The following XPO1 variants were observed in gnomAD, a reference collection of about 807,000 sequenced individuals.
XPO1 encodes exportin 1.
Under a neutral mutation model 133.3 loss-of-function variants are expected in XPO1, and 5 were observed. The observed-to-expected ratio is 0.04, with a 90% CI of 0.02 to 0.08. XPO1 has a LOEUF of 0.08. Ranked by LOEUF, XPO1 falls within the 10% of genes least tolerant of loss-of-function variation. The pLI is 1.00. For missense variants in XPO1, 506 were observed against 1,267.5 expected (o/e 0.40, Z 9.12); for synonymous variants, 419 against 408.2 (o/e 1.03, Z -0.32).
At chr2:61,485,472 G>GCCCCC (rs1553402535) in intron 20 of XPO1, 7 of 103,070 alleles carry the variant, frequency 6.8e-5, no homozygotes, top group Admixed American at 2.4e-4. Flanking sequence ...AGGCTCAAGT[G>GCCCCC]ACCCCCCCCC....
chr2:61,501,232 T>A (rs866890014), intron 6 of XPO1, among the ~76,000 whole-genome samples: 1 of 152,076 alleles, frequency 6.6e-6, no homozygotes, highest in African/African-American at 2.4e-5. Context: ...TACTGTTTTT[T>A]CCCCCACACA....
chr2:61,488,543 G>A (rs756960084), intron 18 of XPO1, 45 bp downstream of exon 18: 1 of 1,547,236 alleles, frequency 6.5e-7, no homozygotes, highest in Non-Finnish European at 8.8e-7. Context: ...TAGAAGAGAA[G>A]TGGTTTGTTT....
At chr2:61,537,365 C>A (rs1699398339) in intron 1 of XPO1, among the ~76,000 whole-genome samples, 197 bp downstream of exon 1, 1 of 151,170 alleles carries the variant, frequency 6.6e-6, no homozygotes, top group Non-Finnish European at 1.5e-5. Flanking sequence ...GCCGCCTCCC[C>A]GCCTCCATCC....
At chr2:61,489,275 C>T (rs181652283) in intron 17 of XPO1, among the ~76,000 whole-genome samples, 12 of 150,974 alleles carry the variant, frequency 7.9e-5, no homozygotes, top group South Asian at 2.1e-4. Flanking sequence ...TAGCCAGGCA[C>T]AATGGTGCTT....
At chr2:61,514,463 C>G (rs555399336) in intron 4 of XPO1, among the ~76,000 whole-genome samples, 29 of 151,848 alleles carry the variant, frequency 1.9e-4, no homozygotes, top group African/African-American at 7.0e-4. Flanking sequence ...TGTGGTGGCA[C>G]ATGCCTGTAG....
At chr2:61,507,243 C>CAAAAAAAAAAAAAA (rs55737388) in intron 4 of XPO1, among the ~76,000 whole-genome samples, 11 of 65,488 alleles carry the variant, frequency 1.7e-4, no homozygotes, top group African/African-American at 7.1e-4. Context: ...GACTCCATCT[C>CAAAAAAAAAAAAAA]AAAAAAAAAA....
At chr2:61,486,173 T>G (rs1034498759) in intron 19 of XPO1, among the ~76,000 whole-genome samples, 2 of 151,898 alleles carry the variant, frequency 1.3e-5, no homozygotes, top group Non-Finnish European at 2.9e-5. Context: ...ATGGACACAC[T>G]GTCATTCAAG....
intron 4 of XPO1, among the ~76,000 whole-genome samples, chr2:61,511,840 C>G (rs1456272765): frequency 6.6e-6 from 1 of 152,114 alleles, no homozygotes; most frequent in Admixed American, 6.6e-5. Flanking sequence ...CTCACTGCAG[C>G]CTCCACCTCC....
intron 2 of XPO1, among the ~76,000 whole-genome samples, chr2:61,526,934 C>T (rs1698930411): frequency 6.6e-6 from 1 of 152,186 alleles, no homozygotes; most frequent in East Asian, 1.9e-4. Context: ...TCTTGAACTC[C>T]TGACCTCAGG....
In XPO1 at chr2:61,500,578, C is replaced by CAA. The variant is rs56213841; in HGVS notation, c.409-686_409-685dup. 4.5e-4 allele frequency among the ~76,000 whole-genome samples: 18 copies of CAA among 40,394 alleles called. 1 individual carries two copies. Among genetic ancestry groups the CAA allele is most frequent in the East Asian group, 3.9e-3 (6 of 1,520 alleles). The allele number at this position is 40,394 out of a possible 152,430, so 26.5% of individuals were successfully genotyped here. A position where few individuals can be genotyped will look rare whatever the true frequency, so the allele number is the denominator to read the frequency against. On this transcript the variant is annotated intron_variant, in intron 6 of 24. Coordinates refer to ENST00000401558, the MANE Select transcript of XPO1 (RefSeq NM_003400.4). ...TGGGCAACAGGATGAGACTCCATCT[C>CAA]AAAAAAAAAAAAAAAAAAAAGAGCA... is the stretch of plus-strand genomic sequence containing the variant.
intron 6 of XPO1, among the ~76,000 whole-genome samples, chr2:61,500,448 G>A (rs1354280391): frequency 6.6e-6 from 1 of 151,686 alleles, no homozygotes; most frequent in African/African-American, 2.4e-5. Context: ...GCATGGTGAC[G>A]TGTGCCTGTG....
intron 4 of XPO1, among the ~76,000 whole-genome samples, chr2:61,511,861 C>G (rs983359633): frequency 1.3e-5 from 2 of 152,138 alleles, no homozygotes; most frequent in African/African-American, 2.4e-5. Flanking sequence ...CTGGTCCAAG[C>G]AACTCCCCTG....
chr2:61,484,023 A>G lies in XPO1; in HGVS notation c.2591T>C (p.Leu864Pro). The G allele has an allele frequency of 6.2e-7, 1 of 1,613,962 alleles. No homozygotes were observed. The highest frequency in any genetic ancestry group is 8.5e-7 in the Non-Finnish European group (1 of 1,179,854). The change falls in exon 21 of 25, where the codon CTT becomes CCT. Residue 864 changes from leucine to proline, a missense_variant. Leu to Pro is a moderately conservative substitution (Grantham distance 98). Around this residue, in one of 6 missense-constraint regions of XPO1, gnomAD observed 203 missense variants for 365.9 expected, o/e 0.55. Transcript: ENST00000401558. Reference protein sequence around the residue: ...AVNSHCFPAFLAIPPTQFKLV... With the variant: ...AVNSHCFPAFPAIPPTQFKLV... ...TTTAAACTGTGTAGGTGGAATAGCAAGGAATGCTGGGAAACAATGAGAATT... is the reference window on the plus strand; with the variant it reads ...TTTAAACTGTGTAGGTGGAATAGCAGGGAATGCTGGGAAACAATGAGAATT...
intron 2 of XPO1, among the ~76,000 whole-genome samples, chr2:61,528,212 C>T (rs183863550): frequency 0.012 from 1,819 of 152,134 alleles, 13 homozygotes; most frequent in Non-Finnish European, 0.018. Context: ...ACCTTTGTTC[C>T]TTCTTTAAAA....
chr2:61,538,555 G>C (rs1002192064), upstream of XPO1: 1 of 152,834 alleles, frequency 6.5e-6, no homozygotes, highest in African/African-American at 2.4e-5. Context: ...CGAAAGGCAA[G>C]AGGAGAGGGG....
Position 61,488,774 on chromosome 2 carries a change from T to C in XPO1, c.2023-3A>G. ...GGATCTTTCAGTATATCCACATTCT[T>C]GGAGGAAAAAAAGCAAATTCCATTT... On this transcript the variant is annotated splice_polypyrimidine_tract_variant and splice_region_variant and intron_variant, in intron 17 of 24. Transcript: ENST00000401558. 1 of 1,610,530 alleles carries C rather than the reference T, an allele frequency of 6.2e-7. No homozygotes were observed. Among genetic ancestry groups the C allele is most frequent in the South Asian group, 1.1e-5 (1 of 90,866 alleles).
chr2:61,516,065 C>T (rs574758918), intron 4 of XPO1, among the ~76,000 whole-genome samples: 416 of 150,908 alleles, frequency 2.8e-3, no homozygotes, highest in Middle Eastern at 6.9e-3. Flanking sequence ...GGCTGAGCAT[C>T]CAGTGACCCA....
intron 11 of XPO1, chr2:61,494,581 A>G (rs1697147155): frequency 6.5e-6 from 1 of 154,088 alleles, no homozygotes; most frequent in Admixed American, 6.5e-5. Flanking sequence ...TGGTATAATC[A>G]GAATAGATAT....
chr2:61,523,667 A>C (rs1372383728), intron 3 of XPO1, among the ~76,000 whole-genome samples: 1 of 152,242 alleles, frequency 6.6e-6, no homozygotes, highest in Non-Finnish European at 1.5e-5. Flanking sequence ...TGAGAATAAG[A>C]GTTCATCTTT....
Sources: allele counts gnomAD v4.1 joint callset (sites outside exome capture counted in the v4.1 genomes callset), GRCh38; gene constraint gnomAD v4.1.1; regional missense constraint gnomAD v4.1.1; transcripts MANE v1.5; gene names NCBI Gene and HGNC (gene_info 2026-07-23, HGNC 2026-07-21).